Variants in LARGE1 observed in about 807,000 individuals in gnomAD.
LARGE1 encodes the protein LARGE xylosyl- and glucuronyltransferase 1.
LARGE1 carries 43 observed loss-of-function variants against 87.6 expected under a neutral mutation model. The observed-to-expected ratio is 0.49, with a 90% CI of 0.38 to 0.63. LARGE1 has a LOEUF of 0.63. Ranked by LOEUF, LARGE1 falls within the 30% of genes least tolerant of loss-of-function variation. The pLI is 0.00. For synonymous variants in LARGE1, 434 were observed against 394.6 expected, an observed-to-expected ratio of 1.10 and a Z score of -1.18; for missense variants, 802 against 1,000.2, an observed-to-expected ratio of 0.80 and a Z score of 2.67.
At chr22:33,205,945 A>ATTTTTT (rs1458454677) in intron 11 of LARGE1, among the ~76,000 whole-genome samples, 1 of 94,134 alleles carries the variant, frequency 1.1e-5, no homozygotes, top group Non-Finnish European at 2.3e-5. Flanking sequence ...TGCCATGCTA[A>ATTTTTT]TTCTTTTTTT....
intron 11 of LARGE1, among the ~76,000 whole-genome samples, chr22:33,228,677 T>C (rs1925855398): frequency 6.6e-6 from 1 of 152,120 alleles, no homozygotes; most frequent in African/African-American, 2.4e-5. Flanking sequence ...TATGCTGAGC[T>C]CAAAGGAAAG....
intron 1 of LARGE1, among the ~76,000 whole-genome samples, chr22:33,871,990 AAAAAAAAAG>A: frequency 6.6e-6 from 1 of 151,522 alleles, no homozygotes; most frequent in East Asian, 1.9e-4. Flanking sequence ...AGCAAAAAAA[AAAAAAAAAG>A]AAAAGAAAAC....
chr22:33,826,942 C>G lies in LARGE1; in HGVS notation c.-82-65384G>C, dbSNP rs1367427794. ...CCAAGCTGGAAATAGCCTTAGAAATCAGTTAACCCCAGCCTCCTCCACCTG... is the reference window on the plus strand; with the variant it reads ...CCAAGCTGGAAATAGCCTTAGAAATGAGTTAACCCCAGCCTCCTCCACCTG... On this transcript the variant is annotated intron_variant, in intron 1 of 14. Coordinates refer to ENST00000397394, the MANE Select transcript of LARGE1 (RefSeq NM_133642.5). Among the ~76,000 whole-genome samples the G allele has an allele frequency of 2.6e-5, 4 of 152,118 alleles. No homozygotes were observed. In the South Asian group the frequency reaches 8.3e-4, roughly 32 times the overall value.
At chr22:33,593,254 G>A (rs757050743) in intron 5 of LARGE1, among the ~76,000 whole-genome samples, 10 of 150,012 alleles carry the variant, frequency 6.7e-5, no homozygotes, top group Non-Finnish European at 1.0e-4. Flanking sequence ...TGTTGCCCAG[G>A]TGGGTCTCGA....
In LARGE1 at chr22:33,847,645, C is replaced by T. The variant is rs978372002; in HGVS notation, c.-83+72350G>A. ...CAGTCCACTTCTAAGCAGTGGTACG[C>T]TGTGAACTGACCTGTACAAGGACTC... On this transcript the variant is annotated intron_variant, in intron 1 of 14. Coordinates refer to ENST00000397394, the MANE Select transcript of LARGE1 (RefSeq NM_133642.5). Among the ~76,000 whole-genome samples the T allele has an allele frequency of 1.2e-4, 18 of 152,308 alleles. No individual in the cohort carries two copies. The South Asian group carries it at 1.4e-3, about 12-fold the overall frequency.
At chr22:33,152,585 A>C in the LARGE1 span, among the ~76,000 whole-genome samples, 1 of 152,010 alleles carries the variant, frequency 6.6e-6, no homozygotes, top group South Asian at 2.1e-4. Flanking sequence ...TAAATTTTTT[A>C]ATGGTTAAAT....
chr22:33,126,055 G>A, the LARGE1 span, among the ~76,000 whole-genome samples: 38 of 152,284 alleles, frequency 2.5e-4, no homozygotes, highest in East Asian at 6.7e-3. Flanking sequence ...GCTGGAATTT[G>A]GATTATTTCT....
intron 12 of LARGE1, among the ~76,000 whole-genome samples, chr22:33,293,868 G>C (rs1171226396): frequency 6.6e-6 from 1 of 152,126 alleles, no homozygotes; most frequent in Non-Finnish European, 1.5e-5. Context: ...ATCTGTCTTT[G>C]ACTCTGTGGA....
At chr22:33,504,507 G>A (rs764814401) in intron 6 of LARGE1, among the ~76,000 whole-genome samples, 13 of 152,266 alleles carry the variant, frequency 8.5e-5, no homozygotes, top group South Asian at 4.1e-4. Flanking sequence ...TGATCCACCC[G>A]CCTCGGCCTC....
chr22:33,264,758 T>C (rs1927832011), intron 11 of LARGE1, among the ~76,000 whole-genome samples: 1 of 152,044 alleles, frequency 6.6e-6, no homozygotes, highest in South Asian at 2.1e-4. Context: ...AGATGAACTC[T>C]AGTGAGCTCT....
intron 7 of LARGE1, among the ~76,000 whole-genome samples, chr22:33,395,090 G>A (rs552748760): frequency 6.6e-5 from 10 of 152,136 alleles, no homozygotes; most frequent in South Asian, 4.2e-4. Flanking sequence ...TTAGCCGGGC[G>A]TGGTGGCGGG....
At chr22:33,833,552 G>C (rs2063031447) in intron 1 of LARGE1, among the ~76,000 whole-genome samples, 1 of 152,200 alleles carries the variant, frequency 6.6e-6, no homozygotes, top group South Asian at 2.1e-4. Context: ...CTTCTAGCCT[G>C]CAGAACTGTG....
intron 6 of LARGE1, among the ~76,000 whole-genome samples, chr22:33,519,785 T>C (rs1432808282): frequency 6.6e-6 from 1 of 152,140 alleles, no homozygotes. Context: ...CTGATCTACA[T>C]GGCCACATCA....
intron 9 of LARGE1, among the ~76,000 whole-genome samples, chr22:33,352,802 T>C (rs1471285534): frequency 6.6e-6 from 1 of 152,132 alleles, no homozygotes; most frequent in Non-Finnish European, 1.5e-5. Context: ...TGAGGGGAAA[T>C]TGAAACCGAA....
chr22:33,117,012 G>T, the LARGE1 span, among the ~76,000 whole-genome samples: 1 of 152,298 alleles, frequency 6.6e-6, no homozygotes, highest in East Asian at 1.9e-4. Flanking sequence ...GAAACTGCTG[G>T]CAATGGCAGG....
chr22:33,749,664 G>A lies in LARGE1; in HGVS notation c.106+11707C>T, dbSNP rs571229952. 3.3e-4 allele frequency among the ~76,000 whole-genome samples: 51 copies of A among 152,276 alleles called. No homozygotes were observed. In the South Asian group the frequency reaches 5.6e-3, roughly 17 times the overall value. ...TGTCCGTTCCTTCTCTTGATTATAT[G>A]AGTCTATGACAGAAACAAAATGCAA... On this transcript the variant is annotated intron_variant, in intron 2 of 14. Transcript: ENST00000397394.
At chr22:33,392,104 T>C (rs2065549428) in intron 7 of LARGE1, among the ~76,000 whole-genome samples, 1 of 150,410 alleles carries the variant, frequency 6.6e-6, no homozygotes, top group Non-Finnish European at 1.5e-5. Flanking sequence ...TATCCTCACA[T>C]CCTCAGAGTG....
At chr22:33,806,498 C>T (rs1267103193) in intron 1 of LARGE1, among the ~76,000 whole-genome samples, 3 of 152,168 alleles carry the variant, frequency 2.0e-5, no homozygotes, top group Admixed American at 6.6e-5. Context: ...ACAAACAGTT[C>T]CTTGAACACT....
chr22:33,700,430 C>T (rs1204739444), intron 2 of LARGE1, among the ~76,000 whole-genome samples: 1 of 152,180 alleles, frequency 6.6e-6, no homozygotes, highest in Non-Finnish European at 1.5e-5. Flanking sequence ...AGGCTGAATG[C>T]TGCCTCACAA....
Sources: allele counts gnomAD v4.1 joint callset (sites outside exome capture counted in the v4.1 genomes callset), GRCh38; gene constraint gnomAD v4.1.1; transcripts MANE v1.5; gene names NCBI Gene and HGNC (gene_info 2026-07-23, HGNC 2026-07-21).